Variants in ITGA8 observed in about 807,000 individuals in gnomAD.
ITGA8 encodes integrin subunit alpha 8, also known as integrin alpha-8.
Under a neutral mutation model 142.3 loss-of-function variants are expected in ITGA8, and 91 were observed. The observed-to-expected ratio is 0.64, with a 90% CI of 0.54 to 0.76. The LOEUF (loss-of-function observed/expected upper bound fraction) is 0.76. ITGA8 is among the 30% of genes least tolerant of loss of function. ITGA8 has a pLI of 0.00. For missense variants in ITGA8, 1,406 were observed against 1,327.7 expected, an observed-to-expected ratio of 1.06 and a Z score of -0.92; for synonymous variants, 505 against 485.2, an observed-to-expected ratio of 1.04 and a Z score of -0.54.
intron 27 of ITGA8, among the ~76,000 whole-genome samples, chr10:15,537,971 C>CAAAACA (rs1554770190): frequency 4.4e-4 from 60 of 135,774 alleles, no homozygotes; most frequent in African/African-American, 1.6e-3. Flanking sequence ...CAAAACAAAA[C>CAAAACA]AAAAAAAAAA....
chr10:15,537,199 C>T (rs1283957485), intron 27 of ITGA8, among the ~76,000 whole-genome samples: 2 of 152,128 alleles, frequency 1.3e-5, no homozygotes, highest in East Asian at 3.8e-4. Context: ...AACTTTCTAG[C>T]CTGGATTAGG....
chr10:15,712,207 A>G (rs1202938653), intron 2 of ITGA8, among the ~76,000 whole-genome samples: 1 of 152,234 alleles, frequency 6.6e-6, no homozygotes, highest in Non-Finnish European at 1.5e-5. Flanking sequence ...AAATGCTTTC[A>G]ACATGCTTGC....
intron 23 of ITGA8, among the ~76,000 whole-genome samples, chr10:15,577,216 C>A (rs1360097946): frequency 1.3e-5 from 2 of 152,050 alleles, no homozygotes; most frequent in Non-Finnish European, 2.9e-5. Flanking sequence ...TCTCTGAAAA[C>A]TTTTGTTTTT....
rs377645097 is a variant in ITGA8, at chr10:15,693,777, G to A, written c.344-5739C>T. The stretch of plus-strand genomic sequence containing the variant: ...CCTGCACAGGTGGTCATAAAGTCAC[G>A]AAGGTTCCATGAGATAAGTGATCGT... On this transcript the variant is annotated intron_variant, in intron 2 of 29. Coordinates refer to ENST00000378076, the MANE Select transcript of ITGA8 (RefSeq NM_003638.3). Among the ~76,000 whole-genome samples, 7 of 152,268 alleles carry A rather than the reference G, an allele frequency of 4.6e-5. No individual in the cohort carries two copies. In the South Asian group the frequency reaches 8.3e-4, roughly 18 times the overall value.
At chr10:15,541,740 A>G (rs1009812966) in intron 27 of ITGA8, among the ~76,000 whole-genome samples, 10 of 152,096 alleles carry the variant, frequency 6.6e-5, no homozygotes, top group African/African-American at 1.4e-4. Context: ...AACTACAGAT[A>G]TATTTTTGGG....
intron 20 of ITGA8, among the ~76,000 whole-genome samples, chr10:15,600,252 A>T (rs530510169): frequency 4.7e-5 from 7 of 147,680 alleles, no homozygotes; most frequent in South Asian, 4.2e-4. Context: ...TAATGCTATT[A>T]AAAAAAAAAG....
rs1403359677 is a variant in ITGA8, at chr10:15,644,490, ATAGAAT to A, written c.1208-275_1208-270del. Among the ~76,000 whole-genome samples the A allele has an allele frequency of 4.2e-3, 41 of 9,748 alleles. 1 individual carries two copies. The highest frequency in any genetic ancestry group is 7.9e-3 in the South Asian group (1 of 126). The allele number at this position is 9,748 out of a possible 152,430, so 6.4% of individuals were successfully genotyped here. A position where few individuals can be genotyped will look rare whatever the true frequency, so the allele number is the denominator to read the frequency against. On this transcript the variant is annotated intron_variant, in intron 12 of 29. Coordinates refer to ENST00000378076, the MANE Select transcript of ITGA8 (RefSeq NM_003638.3). ...TATATATATATATATATATATATAT[ATAGAAT>A]TTTTTTTTTTTTTTGAGCAATGGGT...
intron 2 of ITGA8, among the ~76,000 whole-genome samples, chr10:15,691,611 G>A (rs577617052): frequency 2.0e-5 from 3 of 152,230 alleles, no homozygotes; most frequent in South Asian, 2.1e-4. Context: ...CAAAACCACC[G>A]ATATTGCATG....
At chr10:15,565,119 G>A (rs1169293738) in intron 25 of ITGA8, among the ~76,000 whole-genome samples, 1 of 152,188 alleles carries the variant, frequency 6.6e-6, no homozygotes, top group East Asian at 1.9e-4. Flanking sequence ...ATCTCAGACT[G>A]TGTAATTCTT....
At chr10:15,661,264 T>G (rs11253597) in intron 8 of ITGA8, among the ~76,000 whole-genome samples, 1 of 152,218 alleles carries the variant, frequency 6.6e-6, no homozygotes, top group Non-Finnish European at 1.5e-5. Context: ...TTGTGAACTG[T>G]GCACACAGGG....
At chr10:15,575,711 T>C (rs1018648707) in intron 23 of ITGA8, 117 bp from the exon 24 acceptor site, 1 of 729,800 alleles carries the variant, frequency 1.4e-6, no homozygotes, top group African/African-American at 1.8e-5. Context: ...TTTGAGTAGA[T>C]ACTCCCTACA....
intron 2 of ITGA8, among the ~76,000 whole-genome samples, chr10:15,716,589 A>C (rs1002696087): frequency 2.6e-5 from 4 of 152,186 alleles, no homozygotes; most frequent in Admixed American, 2.6e-4. Context: ...CACATCTTTC[A>C]GCATTAGTTC....
chr10:15,595,479 A>T (rs1832996738), intron 21 of ITGA8, among the ~76,000 whole-genome samples: 1 of 152,240 alleles, frequency 6.6e-6, no homozygotes, highest in Admixed American at 6.5e-5. Flanking sequence ...GAGATAAATG[A>T]ATATAAACAA....
At chr10:15,715,133 A>G (rs1402383148) in intron 2 of ITGA8, among the ~76,000 whole-genome samples, 1 of 151,946 alleles carries the variant, frequency 6.6e-6, no homozygotes, top group South Asian at 2.1e-4. Flanking sequence ...ACTGGCACTG[A>G]GCAGAGAGTA....
At position 15,620,048 on chromosome 10, in the gene ITGA8, CACA is replaced by C. The variant is rs1276867653; in HGVS notation, c.1400-3492_1400-3490del. 2.8e-4 allele frequency among the ~76,000 whole-genome samples: 43 copies of C among 152,238 alleles called. 1 individual carries two copies. Among genetic ancestry groups the C allele is most frequent in the African/African-American group, 1.0e-3 (43 of 41,470 alleles). On this transcript the variant is annotated intron_variant, in intron 13 of 29. Transcript: ENST00000378076. The stretch of plus-strand genomic sequence containing the variant: ...TCCAGGGCAGGAATCTTTACGTTTG[CACA>C]TCCCCAAATATTCATGGAATGGTAT...
intron 19 of ITGA8, among the ~76,000 whole-genome samples, 176 bp downstream of exon 19, chr10:15,605,548 A>G (rs1198227056): frequency 6.6e-6 from 1 of 152,174 alleles, no homozygotes; most frequent in South Asian, 2.1e-4. Flanking sequence ...ATTTGACACC[A>G]ATGACAAATA....
chr10:15,544,208 G>A (rs1276458913), intron 27 of ITGA8, among the ~76,000 whole-genome samples: 2 of 152,182 alleles, frequency 1.3e-5, no homozygotes, highest in East Asian at 3.9e-4. Context: ...TGAGGTGGGA[G>A]GGTTGTCTGA....
chr10:15,627,028 A>G (rs943657866), intron 13 of ITGA8, among the ~76,000 whole-genome samples: 8 of 152,146 alleles, frequency 5.3e-5, no homozygotes, highest in Non-Finnish European at 1.0e-4. Flanking sequence ...CTAAGAACTC[A>G]TTATTGAACT....
intron 26 of ITGA8, among the ~76,000 whole-genome samples, chr10:15,556,104 G>T (rs765508377): frequency 2.4e-5 from 3 of 126,090 alleles, no homozygotes; most frequent in Non-Finnish European, 4.7e-5. Context: ...TCGACTCACT[G>T]CAACCTCCAC....
Sources: gnomAD v4.1 joint callset for allele counts (sites outside exome capture counted in the v4.1 genomes callset) on GRCh38, gnomAD v4.1.1 for gene constraint, MANE v1.5 for transcripts, NCBI Gene and HGNC (gene_info 2026-07-23, HGNC 2026-07-21) for gene names.